FHIP1A: variants seen among roughly 807,000 people sequenced by gnomAD.
FHIP1A encodes FHF complex subunit HOOK-interacting protein 1A.
In FHIP1A, 61 loss-of-function variants were observed where a neutral mutation model predicts 88.6. The ratio of observed to expected loss-of-function variants is 0.69; its 90% CI spans 0.56 to 0.85. The LOEUF (loss-of-function observed/expected upper bound fraction) is 0.85, where lower values mean the gene tolerates loss of function less well. FHIP1A is among the 40% of genes least tolerant of loss of function. The pLI is 0.00. For missense variants in FHIP1A, 1,154 were observed against 1,273.5 expected (o/e 0.91, Z 1.43); for synonymous variants, 478 against 496.0 (o/e 0.96, Z 0.48).
At position 151,566,160 on chromosome 4, in the gene FHIP1A, T is replaced by C. The variant is rs1733377455; in HGVS notation, c.-100T>C. The C allele has an allele frequency of 1.6e-6, 1 of 622,560 alleles. No homozygotes were observed. The highest frequency in any genetic ancestry group is 1.9e-5 in the African/African-American group (1 of 52,804). The allele number at this position is 622,560 out of a possible 1,614,324, so 38.6% of individuals were successfully genotyped here. A position where few individuals can be genotyped will look rare whatever the true frequency, so the allele number is the denominator to read the frequency against. On this transcript the variant is annotated 5_prime_UTR_variant, in exon 4 of 14. The change abolishes an upstream ATG in the 5' untranslated region. Coordinates refer to ENST00000435205, the MANE Select transcript of FHIP1A (RefSeq NM_001109977.3). ...CAGGTTTTGGAAGGTGACAATGAAA[T>C]GTGAAGAAGTTACATTTCTCAAACT...
intron 3 of FHIP1A, among the ~76,000 whole-genome samples, chr4:151,555,871 T>C (rs1031739290): frequency 6.6e-6 from 1 of 152,178 alleles, no homozygotes; most frequent in Non-Finnish European, 1.5e-5. Flanking sequence ...TATAGAATAC[T>C]GATTATGTTA....
intron 5 of FHIP1A, among the ~76,000 whole-genome samples, chr4:151,585,211 C>G (rs1044848179): frequency 3.9e-4 from 60 of 152,030 alleles, no homozygotes; most frequent in Middle Eastern, 3.4e-3. Flanking sequence ...CACTCCAGCT[C>G]TGTCGGCCAG....
chr4:151,488,506 G>A (rs1053538861), intron 3 of FHIP1A, among the ~76,000 whole-genome samples: 10 of 152,192 alleles, frequency 6.6e-5, no homozygotes, highest in African/African-American at 1.9e-4. Flanking sequence ...ATTCCATCAT[G>A]TACATATACC....
At chr4:151,590,112 T>C (rs771220726) in intron 7 of FHIP1A, among the ~76,000 whole-genome samples, 7 of 152,222 alleles carry the variant, frequency 4.6e-5, no homozygotes, top group Non-Finnish European at 8.8e-5. Flanking sequence ...GTTCCAGGGA[T>C]GGAATGGGTA....
At chr4:151,453,841 C>T (rs1417321071) in intron 1 of FHIP1A, among the ~76,000 whole-genome samples, 1 of 151,952 alleles carries the variant, frequency 6.6e-6, no homozygotes, top group Admixed American at 6.6e-5. Context: ...TGCACTTTAG[C>T]CAGGGCAACA....
At chr4:151,572,042 T>C (rs1470687577) in intron 4 of FHIP1A, among the ~76,000 whole-genome samples, 1 of 152,126 alleles carries the variant, frequency 6.6e-6, no homozygotes, top group Non-Finnish European at 1.5e-5. Flanking sequence ...ACACCATCTC[T>C]ACTAAAATAC....
chr4:151,577,589 A>G lies in FHIP1A; in HGVS notation c.245A>G (p.Asp82Gly). 6.4e-7 allele frequency: 1 copy of G among 1,551,938 alleles called. No homozygotes were observed. Among genetic ancestry groups the G allele is most frequent in the Non-Finnish European group, 8.7e-7 (1 of 1,147,018 alleles). Residue 82 changes from aspartate to glycine, a missense_variant, in exon 5 of 14, where the codon GAT (aspartate) becomes GGT (glycine). By Grantham distance (94) the Asp-to-Gly change is moderately conservative. Transcript: ENST00000435205. ...TTGTTGATTGAAGAGCAAGCCAAAG[A>G]TGCTGCAATGGGGCCGATTCTGGAA... is the stretch of plus-strand genomic sequence containing the variant. ...LFLLIEEQAK[D>G]AAMGPILEFV...
intron 2 of FHIP1A, among the ~76,000 whole-genome samples, chr4:151,464,673 C>CT (rs1486214222): frequency 1.3e-5 from 2 of 152,194 alleles, no homozygotes; most frequent in African/African-American, 4.8e-5. Flanking sequence ...CATCAGGAAG[C>CT]TTATTGTGTA....
At chr4:151,614,187 G>A (rs1735429112) in intron 7 of FHIP1A, among the ~76,000 whole-genome samples, 2 of 151,454 alleles carry the variant, frequency 1.3e-5, no homozygotes, top group South Asian at 4.2e-4. Flanking sequence ...AGTTTTATAA[G>A]GCCAGGCATG....
intron 3 of FHIP1A, among the ~76,000 whole-genome samples, chr4:151,534,379 TC>T (rs1293465774): frequency 6.6e-6 from 1 of 152,214 alleles, no homozygotes; most frequent in Non-Finnish European, 1.5e-5. Flanking sequence ...GTGTCACCTT[TC>T]CCCATATTGC....
At chr4:151,434,092 G>A (rs1467836263) in intron 1 of FHIP1A, among the ~76,000 whole-genome samples, 1 of 152,192 alleles carries the variant, frequency 6.6e-6, no homozygotes, top group African/African-American at 2.4e-5. Context: ...CACCTTTGCT[G>A]CTATAAAGCA....
rs138069224 is a variant in FHIP1A, at chr4:151,638,385, G to A, written c.1147-292G>A. ...AGAGAGAATTGGAGAATTGTAGGTA[G>A]AATGTTTATCTGTCTGGATCTTTAA... On this transcript the variant is annotated intron_variant, in intron 8 of 13. Transcript: ENST00000435205. Among the ~76,000 whole-genome samples the A allele has an allele frequency of 2.2e-3, 330 of 151,584 alleles. 1 individual carries two copies. Among genetic ancestry groups the A allele is most frequent in the African/African-American group, 7.5e-3 (311 of 41,374 alleles).
chr4:151,576,724 A>C (rs930525988), intron 4 of FHIP1A: 9 of 152,178 alleles, frequency 5.9e-5, no homozygotes, highest in African/African-American at 2.2e-4. Context: ...GCTAGGGTTG[A>C]TTCTACTAGT....
At chr4:151,659,374 G>A (rs1578874334) in intron 13 of FHIP1A, among the ~76,000 whole-genome samples, 1 of 152,260 alleles carries the variant, frequency 6.6e-6, no homozygotes, top group East Asian at 1.9e-4. Flanking sequence ...ATGATTTCCT[G>A]TAAATGAGTC....
intron 4 of FHIP1A, among the ~76,000 whole-genome samples, chr4:151,574,652 A>G (rs1733716622): frequency 6.6e-6 from 1 of 152,116 alleles, no homozygotes; most frequent in Non-Finnish European, 1.5e-5. Context: ...GTACATGATT[A>G]CTTTGTCTAC....
intron 1 of FHIP1A, among the ~76,000 whole-genome samples, chr4:151,450,521 A>G (rs1267050044): frequency 6.6e-6 from 1 of 152,174 alleles, no homozygotes; most frequent in East Asian, 1.9e-4. Flanking sequence ...ACCATGCTGC[A>G]GTGAACATTC....
intron 7 of FHIP1A, among the ~76,000 whole-genome samples, chr4:151,617,298 TA>T: frequency 6.6e-6 from 1 of 151,362 alleles, no homozygotes; most frequent in East Asian, 1.9e-4. Context: ...AATTTGGAAG[TA>T]GTAATTCATA....
intron 3 of FHIP1A, among the ~76,000 whole-genome samples, chr4:151,503,661 G>A (rs554204902): frequency 6.6e-5 from 10 of 152,114 alleles, no homozygotes; most frequent in African/African-American, 2.4e-4. Context: ...TAGAAAAATG[G>A]GAATACTTGG....
At chr4:151,603,348 T>C (rs1275610496) in intron 7 of FHIP1A, among the ~76,000 whole-genome samples, 3 of 152,046 alleles carry the variant, frequency 2.0e-5, no homozygotes, top group African/African-American at 7.2e-5. Context: ...AGAATCGCTT[T>C]ATTAACAACC....
Sources: gnomAD v4.1 joint callset for allele counts (sites outside exome capture counted in the v4.1 genomes callset) on GRCh38, gnomAD v4.1.1 for gene constraint, MANE v1.5 for transcripts, NCBI Gene and HGNC (gene_info 2026-07-23, HGNC 2026-07-21) for gene names.